Variants in NR5A2 observed in about 807,000 individuals in gnomAD.
NR5A2 encodes the protein nuclear receptor subfamily 5 group A member 2, also known as CYP7A promoter-binding factor.
NR5A2 carries 26 observed loss-of-function variants against 62.7 expected under a neutral mutation model. The ratio of observed to expected loss-of-function variants is 0.41; its 90% confidence interval spans 0.30 to 0.58. NR5A2 has a LOEUF of 0.58. Ranked by LOEUF, NR5A2 falls within the 20% of genes least tolerant of loss-of-function variation. The pLI is 0.22. For synonymous variants in NR5A2, 246 were observed against 241.7 expected, an observed-to-expected ratio of 1.02 and a Z score of -0.16; for missense variants, 541 against 669.1, an observed-to-expected ratio of 0.81 and a Z score of 2.11.
intron 7 of NR5A2, among the ~76,000 whole-genome samples, chr1:200,140,338 A>G (rs1440863609): frequency 1.3e-5 from 2 of 152,078 alleles, no homozygotes; most frequent in Non-Finnish European, 2.9e-5. Context: ...CAGCCTCCCA[A>G]AGTGCTGGGA....
intron 7 of NR5A2, among the ~76,000 whole-genome samples, chr1:200,151,379 A>G (rs186717074): frequency 2.2e-4 from 34 of 152,306 alleles, no homozygotes; most frequent in Non-Finnish European, 4.6e-4. Context: ...CTCCCATGAA[A>G]CATTGTGCTT....
rs116447448 is a variant in NR5A2 at position 200,047,600 on chromosome 1, G to A, written c.464-572G>A. Among the ~76,000 whole-genome samples, 480 of 105,848 alleles carry A rather than the reference G, an allele frequency of 4.5e-3. 2 individuals are homozygous for A. The highest frequency in any genetic ancestry group is 0.01 in the Middle Eastern group (2 of 194). The allele number at this position is 105,848 out of a possible 152,430, so 69.4% of individuals were successfully genotyped here. ...ATTTCTTTTCTTTTTTTTGAGACAG[G>A]GGTTTCACTCTTGTTGCCCAGGCTG... On this transcript the variant is annotated intron_variant, in intron 4 of 7. Coordinates refer to ENST00000367362, the MANE Select transcript of NR5A2 (RefSeq NM_205860.3).
intron 7 of NR5A2, among the ~76,000 whole-genome samples, chr1:200,130,307 AAGAAGAAGAAGAAG>A (rs927697836): frequency 0.012 from 159 of 12,754 alleles, no homozygotes; most frequent in Admixed American, 0.027. Flanking sequence ...GAAGAAGAAG[AAGAAGAAGAAGAAG>A]AAAAAAAAAA....
intron 5 of NR5A2, among the ~76,000 whole-genome samples, chr1:200,081,741 A>G (rs890831808): frequency 6.6e-6 from 1 of 151,492 alleles, no homozygotes; most frequent in Non-Finnish European, 1.5e-5. Context: ...TTGCCTGAGT[A>G]TTATTCAACC....
At chr1:200,148,627 G>A (rs1477695295) in intron 7 of NR5A2, among the ~76,000 whole-genome samples, 1 of 152,156 alleles carries the variant, frequency 6.6e-6, no homozygotes, top group African/African-American at 2.4e-5. Flanking sequence ...AAATAAAGAA[G>A]TTAAGTGAAG....
chr1:200,038,631 C>A, intron 1 of NR5A2: 1 of 1,067,406 alleles, frequency 9.4e-7, no homozygotes, highest in Non-Finnish European at 1.3e-6. Flanking sequence ...CCCTTCATCT[C>A]CTCATCCGAC....
At chr1:200,167,482 G>T (rs1208614091) in intron 7 of NR5A2, among the ~76,000 whole-genome samples, 1 of 152,020 alleles carries the variant, frequency 6.6e-6, no homozygotes, top group Non-Finnish European at 1.5e-5. Flanking sequence ...CCTGCAGCAG[G>T]ATCCTGGCTG....
chr1:200,088,915 C>T (rs1450661996), intron 5 of NR5A2, among the ~76,000 whole-genome samples: 1 of 152,170 alleles, frequency 6.6e-6, no homozygotes, highest in Non-Finnish European at 1.5e-5. Context: ...CTTGAAATTC[C>T]TTCTGGCCCA....
rs1664646650 is a variant in NR5A2 at position 200,088,215 on chromosome 1, T to TG, written c.1111-22987_1111-22986insG. Among the ~76,000 whole-genome samples the TG allele has an allele frequency of 7.2e-5, 11 of 152,088 alleles. No individual in the cohort carries two copies. The South Asian group carries it at 2.1e-3, about 29-fold the overall frequency. On this transcript the variant is annotated intron_variant, in intron 5 of 7. Transcript: ENST00000367362. ...CCATGGTGCCCAGCCCCTTGTTTTTTTTTGTTGTTGTTGTTTTTGTTTTTG... is the reference window on the plus strand; with the variant it reads ...CCATGGTGCCCAGCCCCTTGTTTTTTGTTTGTTGTTGTTGTTTTTGTTTTTG...
intron 5 of NR5A2, among the ~76,000 whole-genome samples, chr1:200,110,202 A>T (rs541769725): frequency 6.6e-6 from 1 of 152,364 alleles, no homozygotes; most frequent in East Asian, 1.9e-4. Flanking sequence ...TAAAAATATT[A>T]CACAACATAT....
At chr1:200,067,333 G>A (rs1663531471) in intron 5 of NR5A2, among the ~76,000 whole-genome samples, 1 of 152,220 alleles carries the variant, frequency 6.6e-6, no homozygotes, top group South Asian at 2.1e-4. Context: ...AAGGCGGGGA[G>A]ATCACTTGAG....
chr1:200,116,813 C>T (rs187109268), intron 6 of NR5A2, among the ~76,000 whole-genome samples: 528 of 152,278 alleles, frequency 3.5e-3, no homozygotes, highest in Middle Eastern at 0.031. Context: ...AAACTACACA[C>T]GCACATATGC....
rs1413896743 is a variant in NR5A2 at position 200,047,470 on chromosome 1, G to A, written c.464-702G>A. On this transcript the variant is annotated intron_variant, in intron 4 of 7. Coordinates refer to ENST00000367362, the MANE Select transcript of NR5A2 (RefSeq NM_205860.3). Reference sequence around the variant, plus strand: ...TTGGGTAACTCAGTTCCACACCCCTGCAAAAGAAAACCCCAAAGCAGTTTG... The same window carrying A: ...TTGGGTAACTCAGTTCCACACCCCTACAAAAGAAAACCCCAAAGCAGTTTG... Among the ~76,000 whole-genome samples, 3 of 152,054 alleles carry A rather than the reference G, an allele frequency of 2.0e-5. No individual in the cohort carries two copies. The East Asian group carries it at 5.8e-4, about 29-fold the overall frequency.
chr1:200,119,046 CTG>C (rs1379313669), intron 6 of NR5A2, among the ~76,000 whole-genome samples: 2 of 152,220 alleles, frequency 1.3e-5, no homozygotes. Flanking sequence ...CACACATTAA[CTG>C]TGGCTTTTTC....
At chr1:200,073,684 AAC>A (rs138372828) in intron 5 of NR5A2, among the ~76,000 whole-genome samples, 2,313 of 151,046 alleles carry the variant, frequency 0.015, 53 homozygotes, top group African/African-American at 0.052. Flanking sequence ...GCCCCACTGA[AAC>A]ACACACACAC....
intron 1 of NR5A2, among the ~76,000 whole-genome samples, chr1:200,031,037 C>A (rs1661529385): frequency 6.6e-6 from 1 of 152,192 alleles, no homozygotes; most frequent in Non-Finnish European, 1.5e-5. Context: ...ATTTAGAATG[C>A]CAGCCACACA....
intron 5 of NR5A2, among the ~76,000 whole-genome samples, chr1:200,108,371 C>A (rs1159519984): frequency 6.6e-6 from 1 of 152,206 alleles, no homozygotes; most frequent in Non-Finnish European, 1.5e-5. Flanking sequence ...AGCCACCACA[C>A]CTGGCTGACA....
At chr1:200,105,816 G>C (rs778097061) in intron 5 of NR5A2, among the ~76,000 whole-genome samples, 11 of 152,100 alleles carry the variant, frequency 7.2e-5, no homozygotes, top group Admixed American at 7.2e-4. Flanking sequence ...AGCCGGCATG[G>C]TGGTGAGTTC....
At chr1:200,074,088 G>A (rs936767539) in intron 5 of NR5A2, among the ~76,000 whole-genome samples, 2 of 152,048 alleles carry the variant, frequency 1.3e-5, no homozygotes, top group African/African-American at 2.4e-5. Flanking sequence ...CTTGGTCCTC[G>A]TGAGGAATCA....
Sources: gnomAD v4.1 joint callset for allele counts (sites outside exome capture counted in the v4.1 genomes callset) on GRCh38, gnomAD v4.1.1 for gene constraint, MANE v1.5 for transcripts, NCBI Gene and HGNC (gene_info 2026-07-23, HGNC 2026-07-21) for gene names.